The following RIT2 variants were observed in gnomAD, a reference collection of about 807,000 sequenced individuals.
RIT2 encodes Ras like without CAAX 2.
Under a neutral mutation model 23.7 loss-of-function variants are expected in RIT2, and 24 were observed. The observed-to-expected ratio is 1.01, with a 90% CI of 0.73 to 1.43. RIT2 has a LOEUF of 1.43. RIT2 is among the 40% of genes most tolerant of loss of function. The pLI is 0.00. For missense variants in RIT2, 236 were observed against 266.9 expected (o/e 0.88, Z 0.81); for synonymous variants, 107 against 91.1 (o/e 1.17, Z -0.99).
rs1053795866 is a variant in RIT2, at chr18:43,080,544, C to T, written c.103+34873G>A. ...ACCTCCTTACCTCACACCTCTGCTT[C>T]TCCCTTCTGCCCCCTTATTGCTTAT... On this transcript the variant is annotated intron_variant, in intron 1 of 4. Coordinates refer to ENST00000326695, the MANE Select transcript of RIT2 (RefSeq NM_002930.4). Among the ~76,000 whole-genome samples the T allele has an allele frequency of 2.6e-5, 4 of 152,302 alleles. No individual in the cohort carries two copies. In the South Asian group the frequency reaches 6.2e-4, roughly 24 times the overall value.
chr18:42,852,780 TCTCCCTCCCTCCCTCTCTTCCTCC>T (rs1336105060), intron 4 of RIT2, among the ~76,000 whole-genome samples: 3 of 108,662 alleles, frequency 2.8e-5, no homozygotes, highest in Non-Finnish European at 3.7e-5. Context: ...TCCCTCCCTC[TCTCCCTCCCTCCCTCTCTTCCTCC>T]CTCCCTCCCT....
At position 43,000,726 on chromosome 18, in the gene RIT2, C is replaced by G. The variant is rs187400121; in HGVS notation, c.161-26579G>C. ...GTTTGGCAGTTCCCCACTCCCACCC[C>G]CCTGCAGCCATGTAAGATGTGCCTT... On this transcript the variant is annotated intron_variant, in intron 2 of 4. Transcript: ENST00000326695. Among the ~76,000 whole-genome samples the G allele has an allele frequency of 5.3e-3, 802 of 152,028 alleles. 5 individuals carry two copies. The highest frequency in any genetic ancestry group is 0.034 in the Middle Eastern group (10 of 294).
intron 3 of RIT2, among the ~76,000 whole-genome samples, chr18:42,926,166 G>A (rs1909175441): frequency 6.6e-6 from 1 of 151,734 alleles, no homozygotes. Context: ...CAATCTCAAT[G>A]CCAAAGACAT....
At chr18:42,885,737 T>G (rs1359792460) in intron 4 of RIT2, among the ~76,000 whole-genome samples, 4 of 152,224 alleles carry the variant, frequency 2.6e-5, no homozygotes, top group African/African-American at 9.6e-5. Context: ...ATGGAGATAT[T>G]ACAAACCATT....
Position 42,939,631 on chromosome 18 carries a change from T to G in RIT2, c.235-15868A>C, listed in dbSNP as rs185283649. ...AAATACCTATTTCAAGTTTTAAAAT[T>G]TTGTTCTTTATTCCAAGTCAAAATA... On this transcript the variant is annotated intron_variant, in intron 3 of 4. Transcript: ENST00000326695. Among the ~76,000 whole-genome samples, 505 of 152,128 alleles carry G rather than the reference T, an allele frequency of 3.3e-3. 2 individuals carry two copies. Among genetic ancestry groups the G allele is most frequent in the Non-Finnish European group, 5.8e-3 (391 of 67,994 alleles).
At chr18:42,965,086 G>C (rs1910184022) in intron 3 of RIT2, among the ~76,000 whole-genome samples, 1 of 152,248 alleles carries the variant, frequency 6.6e-6, no homozygotes, top group East Asian at 1.9e-4. Context: ...ATGAAGGCAG[G>C]AAAAACTATT....
chr18:43,105,490 G>GAAGAGAGGAAGAGAGGAAGGGAGGAAGGA (rs1568083814), intron 1 of RIT2, among the ~76,000 whole-genome samples: 1 of 118,238 alleles, frequency 8.5e-6, no homozygotes, highest in Non-Finnish European at 1.7e-5. Flanking sequence ...GGGAGGAAGG[G>GAAGAGAGGAAGAGAGGAAGGGAGGAAGGA]AGGAAGAAAG....
chr18:43,064,773 A>G (rs1912731219), intron 1 of RIT2, among the ~76,000 whole-genome samples: 1 of 152,108 alleles, frequency 6.6e-6, no homozygotes, highest in Admixed American at 6.6e-5. Flanking sequence ...AAATTTAACC[A>G]AAAATTTTAT....
At chr18:42,820,466 C>T (rs1480244198) in intron 4 of RIT2, among the ~76,000 whole-genome samples, 3 of 152,136 alleles carry the variant, frequency 2.0e-5, no homozygotes, top group Non-Finnish European at 4.4e-5. Flanking sequence ...ACAGGGGCTA[C>T]ATCAATAGGC....
At chr18:42,845,924 T>A (rs1167998189) in intron 4 of RIT2, among the ~76,000 whole-genome samples, 1 of 151,950 alleles carries the variant, frequency 6.6e-6, no homozygotes, top group Admixed American at 6.6e-5. Flanking sequence ...AAAACTTTTT[T>A]AATGCATATA....
chr18:42,979,854 A>C (rs543379306), intron 2 of RIT2, among the ~76,000 whole-genome samples: 1 of 152,294 alleles, frequency 6.6e-6, no homozygotes, highest in South Asian at 2.1e-4. Flanking sequence ...GAATACATAA[A>C]AAAGCAATTG....
At chr18:42,871,759 A>G (rs1907627052) in intron 4 of RIT2, among the ~76,000 whole-genome samples, 1 of 152,210 alleles carries the variant, frequency 6.6e-6, no homozygotes. Flanking sequence ...TTACAAGTGA[A>G]AGTACTCTGA....
chr18:42,994,661 C>T (rs1804776759), intron 2 of RIT2, among the ~76,000 whole-genome samples: 1 of 152,120 alleles, frequency 6.6e-6, no homozygotes, highest in Non-Finnish European at 1.5e-5. Context: ...TACACAAGGA[C>T]CGGGATCGCG....
At chr18:42,961,385 T>G (rs1028077438) in intron 3 of RIT2, among the ~76,000 whole-genome samples, 4 of 152,208 alleles carry the variant, frequency 2.6e-5, no homozygotes, top group Non-Finnish European at 4.4e-5. Context: ...GCAGGACGCA[T>G]CAACTCAGGT....
At chr18:43,090,410 T>A (rs544178477) in intron 1 of RIT2, among the ~76,000 whole-genome samples, 3 of 152,110 alleles carry the variant, frequency 2.0e-5, no homozygotes, top group Non-Finnish European at 4.4e-5. Flanking sequence ...GAAACACTTA[T>A]ACGCTGTTGA....
Position 43,082,151 on chromosome 18 carries a change from A to G in RIT2, c.103+33266T>C, listed in dbSNP as rs533352595. 5.9e-5 allele frequency among the ~76,000 whole-genome samples: 9 copies of G among 152,060 alleles called. No individual in the cohort carries two copies. The South Asian group carries it at 1.7e-3, about 28-fold the overall frequency. On this transcript the variant is annotated intron_variant, in intron 1 of 4. Transcript: ENST00000326695. ...GGTGTATGTGTCCAGGAATTTATCC[A>G]TTTCTTTGAGATTTTCTTGTTTATT...
chr18:42,838,616 A>G (rs1906681456), intron 4 of RIT2, among the ~76,000 whole-genome samples: 1 of 152,188 alleles, frequency 6.6e-6, no homozygotes, highest in Non-Finnish European at 1.5e-5. Flanking sequence ...ACTAAGAGGC[A>G]GCATTAGTAC....
chr18:42,827,880 C>A (rs1241417233), intron 4 of RIT2, among the ~76,000 whole-genome samples: 1 of 151,666 alleles, frequency 6.6e-6, no homozygotes, highest in African/African-American at 2.4e-5. Context: ...TGGCACGCGC[C>A]TGTAGTCCCA....
intron 2 of RIT2, among the ~76,000 whole-genome samples, chr18:43,020,223 G>A (rs534292691): frequency 1.3e-5 from 2 of 152,124 alleles, no homozygotes; most frequent in African/African-American, 4.8e-5. Flanking sequence ...AGTTGCTCAC[G>A]CCTGTAATCC....
Sources: gnomAD v4.1 joint callset for allele counts (sites outside exome capture counted in the v4.1 genomes callset) on GRCh38, gnomAD v4.1.1 for gene constraint, MANE v1.5 for transcripts, NCBI Gene and HGNC (gene_info 2026-07-23, HGNC 2026-07-21) for gene names.